KATNAL2: variants seen among roughly 807,000 people sequenced by gnomAD.
The protein encoded by KATNAL2 is katanin catalytic subunit A1 like 2.
KATNAL2 carries 52 observed loss-of-function variants against 76.3 expected under a neutral mutation model. The observed-to-expected ratio is 0.68, with a 90% CI of 0.55 to 0.86. The LOEUF (loss-of-function observed/expected upper bound fraction) is 0.86, where lower values mean the gene tolerates loss of function less well. Ranked by LOEUF, KATNAL2 falls within the 40% of genes least tolerant of loss-of-function variation. The pLI, the probability that KATNAL2 is intolerant of heterozygous loss-of-function variation, is 0.00. For synonymous variants in KATNAL2, 243 were observed against 244.2 expected, an observed-to-expected ratio of 1.00 and a Z score of 0.05; for missense variants, 660 against 668.9, an observed-to-expected ratio of 0.99 and a Z score of 0.15.
At chr18:47,088,109 G>GT (rs1398637900) in intron 15 of KATNAL2, among the ~76,000 whole-genome samples, 5 of 152,138 alleles carry the variant, frequency 3.3e-5, no homozygotes, top group East Asian at 1.9e-4. Flanking sequence ...TTATTAAAAG[G>GT]TTTTTTATTC....
At chr18:47,081,374 T>A (rs2147285452) in intron 15 of KATNAL2, among the ~76,000 whole-genome samples, 1 of 152,390 alleles carries the variant, frequency 6.6e-6, no homozygotes, top group Non-Finnish European at 1.5e-5. Context: ...AAATTAATGT[T>A]AATAACATGT....
intron 3 of KATNAL2, chr18:47,033,558 G>A (rs1330623662): frequency 3.1e-6 from 5 of 1,613,972 alleles, no homozygotes; most frequent in Non-Finnish European, 4.2e-6. Flanking sequence ...CTTTCTTTCT[G>A]CGATACAGCT....
chr18:47,072,173 G>A (rs1226073764), intron 13 of KATNAL2, among the ~76,000 whole-genome samples: 3 of 151,552 alleles, frequency 2.0e-5, no homozygotes, highest in African/African-American at 7.3e-5. Flanking sequence ...GGCCAGGCTG[G>A]TCTCAAACTC....
chr18:47,088,501 CTGT>C (rs2062868164), intron 15 of KATNAL2, among the ~76,000 whole-genome samples: 1 of 152,052 alleles, frequency 6.6e-6, no homozygotes, highest in African/African-American at 2.4e-5. Flanking sequence ...GAGTCTATTT[CTGT>C]TGTTAGTTTT....
At chr18:46,936,274 G>A (rs2059088222) in intron 1 of KATNAL2, among the ~76,000 whole-genome samples, 2 of 152,096 alleles carry the variant, frequency 1.3e-5, no homozygotes, top group African/African-American at 4.8e-5. Context: ...AGTGCACGTG[G>A]ATTATTTGTA....
intron 3 of KATNAL2, among the ~76,000 whole-genome samples, chr18:47,041,372 G>T (rs2164104): frequency 3.3e-5 from 5 of 151,930 alleles, no homozygotes; most frequent in African/African-American, 9.7e-5. Flanking sequence ...CTTCCTCCCC[G>T]CAACCCCTGG....
chr18:46,967,986 G>A (rs2060181171), intron 3 of KATNAL2, among the ~76,000 whole-genome samples: 1 of 119,366 alleles, frequency 8.4e-6, no homozygotes, highest in Non-Finnish European at 1.9e-5. Flanking sequence ...GAGTGCAGTG[G>A]AATGAGGAAG....
rs118028450 is a variant in KATNAL2 at position 46,940,789 on chromosome 18, C to T, written c.-509-5268C>T. Among the ~76,000 whole-genome samples, 562 of 152,242 alleles carry T rather than the reference C, an allele frequency of 3.7e-3. 1 individual carries two copies. Among genetic ancestry groups the T allele is most frequent in the Middle Eastern group, 0.01 (3 of 294 alleles). On this transcript the variant is annotated intron_variant, in intron 1 of 17. Transcript: ENST00000683218. ...CCATAATCCCAGCATTTTGGGAGGC[C>T]GAGTTGGGACAATCACTTGAGGCCA... is the stretch of plus-strand genomic sequence containing the variant.
At chr18:47,071,589 C>T (rs1239938168) in intron 13 of KATNAL2, among the ~76,000 whole-genome samples, 2 of 151,900 alleles carry the variant, frequency 1.3e-5, no homozygotes, top group Admixed American at 6.6e-5. Context: ...AGGTTCATCT[C>T]CTGTCATGAA....
intron 1 of KATNAL2, among the ~76,000 whole-genome samples, chr18:46,943,920 A>T (rs1332749375): frequency 1.3e-5 from 2 of 152,190 alleles, no homozygotes; most frequent in East Asian, 3.8e-4. Context: ...ACTTCCACAC[A>T]GAGATCTAGC....
chr18:46,927,039 A>G lies in KATNAL2; in HGVS notation c.-510+9113A>G, dbSNP rs138020481. The stretch of plus-strand genomic sequence containing the variant: ...CTGATGGGTCTTGACTTTTTATCCA[A>G]TTTTCCAGTCTGTGTCTTTTAATTG... On this transcript the variant is annotated intron_variant, in intron 1 of 17. Coordinates refer to ENST00000683218, the MANE Select transcript of KATNAL2 (RefSeq NM_001387690.1). 3.0e-3 allele frequency among the ~76,000 whole-genome samples: 462 copies of G among 152,110 alleles called. 2 individuals are homozygous for G. Among genetic ancestry groups the G allele is most frequent in the African/African-American group, 0.01 (434 of 41,482 alleles).
chr18:46,957,553 CTT>C (rs67089810), intron 3 of KATNAL2, among the ~76,000 whole-genome samples: 646 of 60,368 alleles, frequency 0.011, 9 homozygotes, highest in East Asian at 0.073. Context: ...CGCGCCTGGC[CTT>C]TTTTTTTTTT....
At chr18:46,930,249 T>C (rs2058865069) in intron 1 of KATNAL2, among the ~76,000 whole-genome samples, 1 of 152,230 alleles carries the variant, frequency 6.6e-6, no homozygotes, top group Non-Finnish European at 1.5e-5. Context: ...GTTCTTGACT[T>C]CATGATAGAA....
intron 3 of KATNAL2, among the ~76,000 whole-genome samples, chr18:47,045,803 G>C (rs1194627996): frequency 6.6e-6 from 1 of 152,194 alleles, no homozygotes; most frequent in East Asian, 1.9e-4. Flanking sequence ...ACTATTTTGT[G>C]AATACATTTT....
chr18:47,079,392 CT>C (rs1215233070), intron 15 of KATNAL2, among the ~76,000 whole-genome samples: 1 of 150,596 alleles, frequency 6.6e-6, no homozygotes, highest in Non-Finnish European at 1.5e-5. Context: ...CAGACGGCCT[CT>C]TTTTTTTCTT....
chr18:46,960,853 C>G (rs771366812), intron 3 of KATNAL2, among the ~76,000 whole-genome samples: 2 of 152,268 alleles, frequency 1.3e-5, no homozygotes, highest in East Asian at 1.9e-4. Flanking sequence ...AGGGACGAGA[C>G]GCGGACAAAA....
At chr18:46,929,594 C>T (rs2058843001) in intron 1 of KATNAL2, among the ~76,000 whole-genome samples, 2 of 152,040 alleles carry the variant, frequency 1.3e-5, no homozygotes, top group Admixed American at 1.3e-4. Context: ...TGAATAGACC[C>T]CAACTTATCC....
intron 4 of KATNAL2, among the ~76,000 whole-genome samples, chr18:47,052,617 C>G (rs1445047898): frequency 6.6e-6 from 1 of 152,164 alleles, no homozygotes; most frequent in Non-Finnish European, 1.5e-5. Context: ...TAAGCACTTC[C>G]AAAAACATCC....
At chr18:47,052,587 T>A (rs1599675184) in intron 4 of KATNAL2, among the ~76,000 whole-genome samples, 1 of 152,246 alleles carries the variant, frequency 6.6e-6, no homozygotes, top group Non-Finnish European at 1.5e-5. Flanking sequence ...GTTTCTTGGT[T>A]GATTTACTTA....
Sources: allele counts gnomAD v4.1 joint callset (sites outside exome capture counted in the v4.1 genomes callset), GRCh38; gene constraint gnomAD v4.1.1; transcripts MANE v1.5; gene names NCBI Gene and HGNC (gene_info 2026-07-23, HGNC 2026-07-21).